Variants in ZNF652 observed in about 807,000 individuals in gnomAD.
ZNF652 encodes zinc finger protein 652.
In ZNF652, 16 loss-of-function variants were observed where a neutral mutation model predicts 45.2. That is an observed-to-expected ratio of 0.35 (90% CI 0.24 to 0.54). ZNF652 has a LOEUF of 0.54. Ranked by LOEUF, ZNF652 falls within the 20% of genes least tolerant of loss-of-function variation. ZNF652 has a pLI of 0.91. For synonymous variants in ZNF652, 250 were observed against 260.6 expected (o/e 0.96, Z 0.39); for missense variants, 614 against 765.6 (o/e 0.80, Z 2.34).
At chr17:49,329,487 GTCATAT>G (rs1235593679) in intron 1 of ZNF652, among the ~76,000 whole-genome samples, 1 of 152,112 alleles carries the variant, frequency 6.6e-6, no homozygotes, top group Admixed American at 6.5e-5. Context: ...AACATCAAAT[GTCATAT>G]ATCACTGGGC....
rs769238381 is a variant in ZNF652 at position 49,317,315 on chromosome 17, G to C, written c.411C>G (p.Val137=). 2 of 1,613,144 alleles carry C rather than the reference G, an allele frequency of 1.2e-6. No individual in the cohort carries two copies. Among genetic ancestry groups the C allele is most frequent in the Non-Finnish European group, 8.5e-7 (1 of 1,180,048 alleles). Residue 137 remains valine, a synonymous_variant, in exon 2 of 6, where the codon GTC becomes GTG. Coordinates refer to ENST00000430262, the MANE Select transcript of ZNF652 (RefSeq NM_001145365.3). The part of the protein sequence containing the change: ...TLNVSKGEKG[V]SSQSKETPVL... Reference sequence around the variant, plus strand: ...CAGGAGTCTCTTTGGACTGAGAAGAGACACCCTTTTCCCCTTTAGATACAT... The same window carrying C: ...CAGGAGTCTCTTTGGACTGAGAAGACACACCCTTTTCCCCTTTAGATACAT...
intron 5 of ZNF652, among the ~76,000 whole-genome samples, chr17:49,310,512 A>C (rs2069694813): frequency 6.6e-6 from 1 of 152,152 alleles, no homozygotes; most frequent in Admixed American, 6.5e-5. Flanking sequence ...TGCTCCTAAA[A>C]CCACAAAGTG....
At chr17:49,313,194 C>T (rs567482745) in intron 2 of ZNF652, among the ~76,000 whole-genome samples, 10 of 152,280 alleles carry the variant, frequency 6.6e-5, no homozygotes, top group East Asian at 1.9e-4. Flanking sequence ...CTTGCTCTGT[C>T]GCCCAGGCCG....
At chr17:49,326,991 A>C (rs181396861) in intron 1 of ZNF652, among the ~76,000 whole-genome samples, 36 of 152,188 alleles carry the variant, frequency 2.4e-4, no homozygotes, top group African/African-American at 8.4e-4. Context: ...AAATTTTACC[A>C]ATCTATACCT....
At chr17:49,308,382 GC>G (rs1207410301) in intron 5 of ZNF652, among the ~76,000 whole-genome samples, 1 of 152,114 alleles carries the variant, frequency 6.6e-6, no homozygotes, top group Non-Finnish European at 1.5e-5. Flanking sequence ...TTGCCATGTT[GC>G]CCAGGCTGGT....
At chr17:49,356,802 T>A (rs1441553715) in intron 1 of ZNF652, among the ~76,000 whole-genome samples, 1 of 152,140 alleles carries the variant, frequency 6.6e-6, no homozygotes, top group Admixed American at 6.6e-5. Context: ...GTCTACCTTA[T>A]CTGAAAAGTC....
rs1200002091 is a variant in ZNF652 at position 49,328,540 on chromosome 17, C to T, written c.-258-10557G>A. On this transcript the variant is annotated intron_variant, in intron 1 of 5. Coordinates refer to ENST00000430262, the MANE Select transcript of ZNF652 (RefSeq NM_001145365.3). ...CTCATGAATGGCCCAGTGCTGTCCT[C>T]GAAGGAATGAGTTATTTCTTGCTCT... is the stretch of plus-strand genomic sequence containing the variant. Among the ~76,000 whole-genome samples, 6 of 152,028 alleles carry T rather than the reference C, an allele frequency of 3.9e-5. 1 individual carries two copies. In the South Asian group the frequency reaches 6.2e-4, roughly 16 times the overall value.
In ZNF652 at chr17:49,357,914, C is replaced by T. The variant is rs149309894; in HGVS notation, c.-259+3995G>A. 6.5e-3 allele frequency among the ~76,000 whole-genome samples: 986 copies of T among 152,268 alleles called. 8 individuals carry two copies. The highest frequency in any genetic ancestry group is 0.017 in the Middle Eastern group (5 of 294). On this transcript the variant is annotated intron_variant, in intron 1 of 5. Coordinates refer to ENST00000430262, the MANE Select transcript of ZNF652 (RefSeq NM_001145365.3). ...TGCAAGACTTAGGTATGCTCCAAGT[C>T]AAATATTTGCAATTTTTTCATCCCA...
At chr17:49,352,644 A>T (rs2070294356) in intron 1 of ZNF652, among the ~76,000 whole-genome samples, 1 of 152,212 alleles carries the variant, frequency 6.6e-6, no homozygotes, top group Non-Finnish European at 1.5e-5. Flanking sequence ...ATTTACCCAC[A>T]AGAAATGAAA....
At position 49,295,941 on chromosome 17, in the gene ZNF652, A is replaced by AAAAAAAC. The variant is rs1478651865; in HGVS notation, c.*2471_*2472insGTTTTTT. On this transcript the variant is annotated 3_prime_UTR_variant, in exon 6 of 6. Coordinates refer to ENST00000430262, the MANE Select transcript of ZNF652 (RefSeq NM_001145365.3). ...CAACAGAACAAGACTCTGCCTCAAA[A>AAAAAAAC]AAAAAAAAAAAAAAAAAAAAAAAAC... 4.7e-4 allele frequency: 37 copies of AAAAAAAC among 78,222 alleles called. 2 individuals are homozygous for AAAAAAAC. Among genetic ancestry groups the AAAAAAAC allele is most frequent in the African/African-American group, 1.6e-3 (36 of 22,136 alleles). The allele number at this position is 78,222 out of a possible 1,614,324, so 4.8% of individuals were successfully genotyped here.
At chr17:49,312,609 A>G in intron 3 of ZNF652, 89 bp downstream of exon 3, 1 of 1,428,250 alleles carries the variant, frequency 7.0e-7, no homozygotes, top group Non-Finnish European at 9.5e-7. Flanking sequence ...GATTAGGGCA[A>G]TTCCTCATAT....
rs574367169 is a variant in ZNF652, at chr17:49,315,002, G to A, written c.900+1824C>T. Among the ~76,000 whole-genome samples, 14 of 151,604 alleles carry A rather than the reference G, an allele frequency of 9.2e-5. No individual in the cohort carries two copies. In the South Asian group the frequency reaches 2.9e-3, roughly 32 times the overall value. On this transcript the variant is annotated intron_variant, in intron 2 of 5. Transcript: ENST00000430262. Reference sequence around the variant, plus strand: ...CTCCCAAAGTGCTGAGATTACAGGTGTGAGCCACTGCACCCGGCCTTAGGG... The same window carrying A: ...CTCCCAAAGTGCTGAGATTACAGGTATGAGCCACTGCACCCGGCCTTAGGG...
rs972309390 is a variant in ZNF652, at chr17:49,293,705, C to G, written c.*4708G>C. Among the ~76,000 whole-genome samples the G allele has an allele frequency of 7.4e-6, 1 of 135,170 alleles. No homozygotes were observed. Among genetic ancestry groups the G allele is most frequent in the Non-Finnish European group, 1.6e-5 (1 of 63,446 alleles). The allele number at this position is 135,170 out of a possible 152,430, so 88.7% of individuals were successfully genotyped here. A position where few individuals can be genotyped will look rare whatever the true frequency, so the allele number is the denominator to read the frequency against. On this transcript the variant is annotated 3_prime_UTR_variant, in exon 6 of 6. Coordinates refer to ENST00000430262, the MANE Select transcript of ZNF652 (RefSeq NM_001145365.3). ...AAAAAACTCTTAAGTAATTTCCTAT[C>G]TTGGTTCAGGCAAAGGAAAATTAAA...
intron 1 of ZNF652, among the ~76,000 whole-genome samples, chr17:49,345,927 T>C (rs1230257993): frequency 6.6e-6 from 1 of 150,932 alleles, no homozygotes; most frequent in African/African-American, 2.4e-5. Context: ...AACAAAAGGA[T>C]GTTGAAAAAA....
At chr17:49,360,883 C>T (rs1289582573) in intron 1 of ZNF652, among the ~76,000 whole-genome samples, 1 of 152,166 alleles carries the variant, frequency 6.6e-6, no homozygotes. Flanking sequence ...AAAAAAGCAT[C>T]ACTCAGGTGT....
intron 1 of ZNF652, among the ~76,000 whole-genome samples, chr17:49,349,866 C>A (rs2070251522): frequency 6.6e-6 from 1 of 152,152 alleles, no homozygotes; most frequent in Non-Finnish European, 1.5e-5. Context: ...CAAGATAACT[C>A]TTAAAGATAC....
intron 1 of ZNF652, among the ~76,000 whole-genome samples, chr17:49,352,338 A>G (rs980904890): frequency 6.6e-6 from 1 of 152,134 alleles, no homozygotes; most frequent in Non-Finnish European, 1.5e-5. Flanking sequence ...AACTTATAAT[A>G]TATCCAAAAT....
chr17:49,315,028 G>GA (rs982196906), intron 2 of ZNF652, among the ~76,000 whole-genome samples: 1 of 144,782 alleles, frequency 6.9e-6, no homozygotes, highest in African/African-American at 2.6e-5. Flanking sequence ...GGCCTTAGGG[G>GA]AGGGTTTTAG....
At chr17:49,313,318 G>C (rs2069744613) in intron 2 of ZNF652, among the ~76,000 whole-genome samples, 1 of 151,920 alleles carries the variant, frequency 6.6e-6, no homozygotes, top group African/African-American at 2.4e-5. Flanking sequence ...ACCATTCCCG[G>C]CTAATTTTTT....
Sources: allele counts gnomAD v4.1 joint callset (sites outside exome capture counted in the v4.1 genomes callset), GRCh38; gene constraint gnomAD v4.1.1; transcripts MANE v1.5; gene names NCBI Gene and HGNC (gene_info 2026-07-23, HGNC 2026-07-21).